CDC42BPA: variants seen among roughly 807,000 people sequenced by gnomAD.
CDC42BPA encodes the protein CDC42 binding protein kinase alpha.
Under a neutral mutation model 223.5 loss-of-function variants are expected in CDC42BPA, and 80 were observed. That is an observed-to-expected ratio of 0.36 (90% confidence interval 0.30 to 0.43). The LOEUF (loss-of-function observed/expected upper bound fraction) is 0.43, where lower values mean the gene tolerates loss of function less well. Among genes scored for constraint, CDC42BPA ranks in the 20% least tolerant of loss-of-function variants. The pLI is 1.00. For synonymous variants in CDC42BPA, 694 were observed against 718.6 expected (o/e 0.97, Z 0.55); for missense variants, 1,743 against 2,099.9 (o/e 0.83, Z 3.32).
rs140804686 is a variant in CDC42BPA at position 227,173,229 on chromosome 1, C to T, written c.600-12593G>A. ...ATTCAAACCGATACTATTGCTGTAT[C>T]TGCCATATGAACATTACACTAAATG... On this transcript the variant is annotated intron_variant, in intron 5 of 36. Coordinates refer to ENST00000366766, the MANE Select transcript of CDC42BPA (RefSeq NM_001394014.1). Among the ~76,000 whole-genome samples, 191 of 152,292 alleles carry T rather than the reference C, an allele frequency of 1.3e-3. 2 individuals are homozygous for T. Among genetic ancestry groups the T allele is most frequent in the African/African-American group, 4.2e-3 (176 of 41,562 alleles).
At chr1:227,307,422 G>A (rs568138921) in intron 1 of CDC42BPA, among the ~76,000 whole-genome samples, 7 of 152,192 alleles carry the variant, frequency 4.6e-5, no homozygotes, top group Non-Finnish European at 8.8e-5. Flanking sequence ...CACTACCTAC[G>A]GTTAAGTATA....
At chr1:227,232,151 A>AT in intron 2 of CDC42BPA, among the ~76,000 whole-genome samples, 1 of 152,206 alleles carries the variant, frequency 6.6e-6, no homozygotes, top group Admixed American at 6.5e-5. Flanking sequence ...TCTTGAATTA[A>AT]TTTTTGTATA....
intron 5 of CDC42BPA, among the ~76,000 whole-genome samples, chr1:227,192,092 T>A (rs971481436): frequency 6.6e-6 from 1 of 151,438 alleles, no homozygotes; most frequent in Non-Finnish European, 1.5e-5. Flanking sequence ...CAAACAGAGA[T>A]CTGATAAAAT....
At chr1:227,290,057 T>C (rs1193007130) in intron 1 of CDC42BPA, among the ~76,000 whole-genome samples, 1 of 151,936 alleles carries the variant, frequency 6.6e-6, no homozygotes, top group Non-Finnish European at 1.5e-5. Flanking sequence ...AAAACAAATA[T>C]ATATATTCAA....
intron 5 of CDC42BPA, among the ~76,000 whole-genome samples, chr1:227,192,869 A>G (rs540903451): frequency 6.6e-6 from 1 of 152,284 alleles, no homozygotes; most frequent in Non-Finnish European, 1.5e-5. Context: ...AACATAAAAT[A>G]TATAATACAG....
chr1:226,994,291 C>G lies in CDC42BPA; in HGVS notation c.5242G>C (p.Asp1748His). The G allele has an allele frequency of 6.3e-7, 1 of 1,590,058 alleles. No homozygotes were observed. The change falls in exon 37 of 37, where the codon GAC (aspartate) becomes CAC (histidine). Residue 1748 changes from aspartate to histidine, a missense_variant. Asp to His is a moderately conservative substitution (Grantham distance 81). Transcript: ENST00000366766. This position sits in a 1 kb window ranked among gnomAD's most constrained non-coding sequence, Gnocchi z 4.0. The part of the protein sequence containing the change: ...KTKSLSLEST[D>H]RGSWDP ...GCTCACGGGTCCCAGCTCCCGCGGTCAGTGCTCTCCAGGGAGAGGCTCTTG... is the reference window on the plus strand; with the variant it reads ...GCTCACGGGTCCCAGCTCCCGCGGTGAGTGCTCTCCAGGGAGAGGCTCTTG...
intron 9 of CDC42BPA, 106 bp downstream of exon 9, chr1:227,142,839 C>A: frequency 1.7e-6 from 1 of 599,934 alleles, no homozygotes; most frequent in Non-Finnish European, 2.8e-6. Flanking sequence ...AGGCTGGTCT[C>A]GATCTCCTGA....
intron 34 of CDC42BPA, among the ~76,000 whole-genome samples, chr1:227,011,717 G>A (rs1665252715): frequency 6.6e-6 from 1 of 152,112 alleles, no homozygotes; most frequent in Non-Finnish European, 1.5e-5. Context: ...ATGAAATAAT[G>A]TAATATCAAA....
chr1:227,165,049 T>C (rs1403284316), intron 5 of CDC42BPA, among the ~76,000 whole-genome samples: 2 of 79,484 alleles, frequency 2.5e-5, no homozygotes, highest in East Asian at 6.5e-4. Flanking sequence ...ATTTACAGCA[T>C]GCAACAGCAC....
At chr1:227,092,170 G>A (rs1441180912) in intron 15 of CDC42BPA, among the ~76,000 whole-genome samples, 179 bp from the exon 16 acceptor site, 2 of 152,112 alleles carry the variant, frequency 1.3e-5, no homozygotes, top group Admixed American at 6.6e-5. Flanking sequence ...CATGTTCCAG[G>A]AATTTATATT....
intron 19 of CDC42BPA, among the ~76,000 whole-genome samples, chr1:227,073,296 T>G (rs189291735): frequency 2.4e-4 from 36 of 152,312 alleles, no homozygotes; most frequent in African/African-American, 7.9e-4. Flanking sequence ...AGAGTATGAT[T>G]CACTCTAGTG....
intron 21 of CDC42BPA, among the ~76,000 whole-genome samples, chr1:227,055,374 A>C (rs1674340337): frequency 6.6e-6 from 1 of 152,138 alleles, no homozygotes; most frequent in African/African-American, 2.4e-5. Context: ...TTTAACCACA[A>C]TTAAATGCCT....
intron 1 of CDC42BPA, among the ~76,000 whole-genome samples, chr1:227,305,482 T>C (rs1692379240): frequency 6.6e-6 from 1 of 152,246 alleles, no homozygotes; most frequent in Non-Finnish European, 1.5e-5. Context: ...TCTTTCATTT[T>C]TCTTGCTGTC....
In CDC42BPA at chr1:227,263,352, G is replaced by A. The variant is rs189404906; in HGVS notation, c.179-9197C>T. 2.2e-3 allele frequency among the ~76,000 whole-genome samples: 329 copies of A among 152,136 alleles called. 5 individuals are homozygous for A. The East Asian group carries it at 0.045, about 21-fold the overall frequency. ...GGTTACACCTGCATGGTATTTATTA[G>A]CCTCCAAACAACTGGAAATTTATTT... On this transcript the variant is annotated intron_variant, in intron 1 of 36. Coordinates refer to ENST00000366766, the MANE Select transcript of CDC42BPA (RefSeq NM_001394014.1).
intron 1 of CDC42BPA, among the ~76,000 whole-genome samples, chr1:227,275,737 G>A (rs1052982451): frequency 6.6e-6 from 1 of 151,990 alleles, no homozygotes; most frequent in Admixed American, 6.6e-5. Context: ...CGAGTGCCTG[G>A]GATTGCAGGC....
intron 27 of CDC42BPA, among the ~76,000 whole-genome samples, chr1:227,032,557 G>A (rs1350615143): frequency 1.3e-5 from 2 of 152,114 alleles, no homozygotes; most frequent in African/African-American, 4.8e-5. Flanking sequence ...CTCATCAAGA[G>A]GTGGAGTCTA....
intron 16 of CDC42BPA, among the ~76,000 whole-genome samples, chr1:227,088,153 T>G (rs1184797288): frequency 6.6e-6 from 1 of 152,222 alleles, no homozygotes; most frequent in Non-Finnish European, 1.5e-5. Flanking sequence ...TACTTCTTAT[T>G]CTTGTGATTG....
intron 21 of CDC42BPA, among the ~76,000 whole-genome samples, chr1:227,066,515 A>G (rs1272074257): frequency 6.6e-6 from 1 of 152,226 alleles, no homozygotes; most frequent in Non-Finnish European, 1.5e-5. Flanking sequence ...AAGATTGAAT[A>G]CTGCTGTTCA....
intron 16 of CDC42BPA, among the ~76,000 whole-genome samples, chr1:227,084,366 A>G (rs1323692642): frequency 6.6e-6 from 1 of 152,036 alleles, no homozygotes; most frequent in Non-Finnish European, 1.5e-5. Flanking sequence ...CATCTCTACT[A>G]AAAATAAAAA....
Sources: gnomAD v4.1 joint callset for allele counts (sites outside exome capture counted in the v4.1 genomes callset) on GRCh38, gnomAD v4.1.1 for gene constraint, Gnocchi (gnomAD v3.1) non-coding constraint, MANE v1.5 for transcripts, NCBI Gene and HGNC (gene_info 2026-07-23, HGNC 2026-07-21) for gene names.